The following LMBRD1 variants were observed in gnomAD, a reference collection of about 807,000 sequenced individuals.
The protein encoded by LMBRD1 is LMBR1 domain containing 1.
In LMBRD1, 64 loss-of-function variants were observed where a neutral mutation model predicts 74.8. The observed-to-expected ratio is 0.86, with a 90% confidence interval of 0.70 to 1.05. LMBRD1 has a LOEUF of 1.05. Ranked by LOEUF, LMBRD1 falls within the 50% of genes least tolerant of loss-of-function variation. The pLI is 0.00. For missense variants in LMBRD1, 652 were observed against 645.9 expected (o/e 1.01, Z -0.10); for synonymous variants, 204 against 216.3 (o/e 0.94, Z 0.50).
intron 5 of LMBRD1, chr6:69,745,753 AT>A (rs1767212007): frequency 6.6e-6 from 1 of 152,256 alleles, no homozygotes; most frequent in Non-Finnish European, 1.5e-5. Flanking sequence ...CTCCCAGTTA[AT>A]ATATTTTATA....
chr6:69,769,331 CAG>C (rs1219370497), intron 3 of LMBRD1, among the ~76,000 whole-genome samples: 7 of 152,134 alleles, frequency 4.6e-5, no homozygotes, highest in Non-Finnish European at 1.0e-4. Context: ...TCTTCAATCT[CAG>C]AATTTTCATT....
chr6:69,781,083 A>G (rs1364524774), intron 2 of LMBRD1, among the ~76,000 whole-genome samples: 2 of 152,212 alleles, frequency 1.3e-5, no homozygotes, highest in Non-Finnish European at 2.9e-5. Context: ...TTATGCAGAG[A>G]GCAACAAACC....
intron 3 of LMBRD1, among the ~76,000 whole-genome samples, chr6:69,762,024 G>A (rs2149882953): frequency 6.6e-6 from 1 of 152,290 alleles, no homozygotes; most frequent in South Asian, 2.1e-4. Flanking sequence ...CTGTAGCAAA[G>A]CAGTCATAGA....
chr6:69,698,668 C>G (rs1234964167), intron 13 of LMBRD1, among the ~76,000 whole-genome samples: 1 of 151,846 alleles, frequency 6.6e-6, no homozygotes, highest in Non-Finnish European at 1.5e-5. Flanking sequence ...CTAGGGGATT[C>G]ATAGTGCCAA....
intron 8 of LMBRD1, among the ~76,000 whole-genome samples, chr6:69,714,791 T>C (rs1346833537): frequency 6.6e-6 from 1 of 152,144 alleles, no homozygotes; most frequent in African/African-American, 2.4e-5. Flanking sequence ...ACAATCTCTT[T>C]ACATATCGGC....
At chr6:69,696,421 TTTC>T (rs988735587) in intron 14 of LMBRD1, among the ~76,000 whole-genome samples, 2 of 152,128 alleles carry the variant, frequency 1.3e-5, no homozygotes, top group African/African-American at 4.8e-5. Context: ...TAACTTCTAC[TTTC>T]TTACTTCAAA....
chr6:69,777,163 G>C (rs1765722495), intron 3 of LMBRD1, among the ~76,000 whole-genome samples: 2 of 151,480 alleles, frequency 1.3e-5, no homozygotes, highest in African/African-American at 4.9e-5. Context: ...AATTAAAAAA[G>C]GGGTCCGGGC....
intron 2 of LMBRD1, among the ~76,000 whole-genome samples, chr6:69,786,476 G>A (rs1259465840): frequency 6.9e-6 from 1 of 144,390 alleles, no homozygotes; most frequent in East Asian, 2.1e-4. Flanking sequence ...ATTCATATTA[G>A]TGTCGATTTC....
rs548186086 is a variant in LMBRD1 at position 69,780,441 on chromosome 6, A to G, written c.307+53T>C. 140 of 1,279,026 alleles carry G rather than the reference A, an allele frequency of 1.1e-4. 2 individuals carry two copies. The East Asian group carries it at 3.2e-3, about 29-fold the overall frequency. 79.2% of individuals were successfully genotyped at this position (1,279,026 alleles called of 1,614,324 possible). Reference sequence around the variant, plus strand: ...GGGGTTCTCCACTCATCGGAGTCGTATCAGTATTTTGGTTAGCAGTCCAAA... The same window carrying G: ...GGGGTTCTCCACTCATCGGAGTCGTGTCAGTATTTTGGTTAGCAGTCCAAA... On this transcript the variant is annotated intron_variant, in intron 3 of 15. Coordinates refer to ENST00000649934, the MANE Select transcript of LMBRD1 (RefSeq NM_018368.4).
At position 69,725,406 on chromosome 6, in the gene LMBRD1, C is replaced by T. The variant is rs914242801; in HGVS notation, c.637-6325G>A. Among the ~76,000 whole-genome samples, 7 of 151,392 alleles carry T rather than the reference C, an allele frequency of 4.6e-5. No homozygotes were observed. The South Asian group carries it at 6.3e-4, about 14-fold the overall frequency. ...CACACACCTAAAGTGTATACAGAAT[C>T]CCAAAGACCCAGAATACCAAAGCTA... On this transcript the variant is annotated intron_variant, in intron 7 of 15. Transcript: ENST00000649934.
chr6:69,724,590 A>G (rs1484095126), intron 7 of LMBRD1, among the ~76,000 whole-genome samples: 5 of 150,102 alleles, frequency 3.3e-5, no homozygotes, highest in African/African-American at 9.8e-5. Context: ...GTTGTAATAC[A>G]TCATATCAAG....
At chr6:69,754,004 A>C (rs1048920741) in intron 3 of LMBRD1, among the ~76,000 whole-genome samples, 2 of 152,180 alleles carry the variant, frequency 1.3e-5, no homozygotes, top group Non-Finnish European at 2.9e-5. Flanking sequence ...AACTTAGCAT[A>C]ACCAGGACAT....
chr6:69,763,299 C>A (rs1765410169), intron 3 of LMBRD1, among the ~76,000 whole-genome samples: 1 of 151,532 alleles, frequency 6.6e-6, no homozygotes, highest in Admixed American at 6.6e-5. Flanking sequence ...AATTCTCAGC[C>A]TATCCACATT....
At chr6:69,763,036 T>C (rs1765404277) in intron 3 of LMBRD1, among the ~76,000 whole-genome samples, 1 of 146,702 alleles carries the variant, frequency 6.8e-6, no homozygotes, top group African/African-American at 2.6e-5. Flanking sequence ...TGGAGGTCGC[T>C]TTGGAACATG....
intron 6 of LMBRD1, among the ~76,000 whole-genome samples, chr6:69,741,283 T>G (rs575728957): frequency 6.6e-6 from 1 of 152,172 alleles, no homozygotes; most frequent in Non-Finnish European, 1.5e-5. Context: ...AGCTACGTAA[T>G]AGCTAGATGG....
chr6:69,752,117 TTC>T, intron 4 of LMBRD1, 140 bp downstream of exon 4: 1 of 735,272 alleles, frequency 1.4e-6, no homozygotes, highest in Non-Finnish European at 2.2e-6. Flanking sequence ...TTTCAACTGT[TTC>T]TTTTTATTTT....
chr6:69,741,636 C>T (rs1170039122), intron 6 of LMBRD1, among the ~76,000 whole-genome samples, 153 bp downstream of exon 6: 1 of 151,966 alleles, frequency 6.6e-6, no homozygotes, highest in Non-Finnish European at 1.5e-5. Context: ...CACCCCCCAC[C>T]CCTCGGCCTC....
rs1766251636 is a variant in LMBRD1 at position 69,796,985 on chromosome 6, A to T, written c.-104T>A. 3.0e-6 allele frequency: 3 copies of T among 993,738 alleles called. No homozygotes were observed. The African/African-American group carries it at 4.8e-5, about 16-fold the overall frequency. 61.6% of individuals were successfully genotyped at this position (993,738 alleles called of 1,614,324 possible). ...ACTGCACCCGCGCACCCTAAAGGTTAAAGGGGCGGAGGGGGAGGAGCAAGT... is the reference window on the plus strand; with the variant it reads ...ACTGCACCCGCGCACCCTAAAGGTTTAAGGGGCGGAGGGGGAGGAGCAAGT... On this transcript the variant is annotated 5_prime_UTR_variant, in exon 1 of 16. Transcript: ENST00000649934.
At chr6:69,699,283 A>G (rs1157593420) in intron 12 of LMBRD1, 91 bp from the exon 13 acceptor site, 3 of 1,107,892 alleles carry the variant, frequency 2.7e-6, no homozygotes, top group Non-Finnish European at 4.1e-6. Flanking sequence ...TGATTTACAC[A>G]GTTCAATCAA....
Sources: allele counts gnomAD v4.1 joint callset (sites outside exome capture counted in the v4.1 genomes callset), GRCh38; gene constraint gnomAD v4.1.1; transcripts MANE v1.5; gene names NCBI Gene and HGNC (gene_info 2026-07-23, HGNC 2026-07-21).